The following ASMTL variants were observed in gnomAD, a reference collection of about 807,000 sequenced individuals.
The protein encoded by ASMTL is acetylserotonin O-methyltransferase like.
ASMTL carries 57 observed loss-of-function variants against 60.3 expected under a neutral mutation model. That is an observed-to-expected ratio of 0.95 (90% CI 0.76 to 1.18). The LOEUF (loss-of-function observed/expected upper bound fraction) is 1.18, where lower values mean the gene tolerates loss of function less well. ASMTL is among the 50% of genes most tolerant of loss of function. ASMTL has a pLI of 0.00. For missense variants in ASMTL, 981 were observed against 852.6 expected (o/e 1.15, Z -1.88); for synonymous variants, 419 against 373.0 (o/e 1.12, Z -1.42).
chrX:1,426,815 G>A (rs1285482661), intron 7 of ASMTL, among the ~76,000 whole-genome samples: 1 of 151,900 alleles, frequency 6.6e-6, no homozygotes, highest in Non-Finnish European at 1.5e-5. Flanking sequence ...TTTAAAACAA[G>A]GTCCCATTCA....
intron 2 of ASMTL, among the ~76,000 whole-genome samples, chrX:1,439,416 G>A (rs1159706693): frequency 6.6e-6 from 1 of 152,210 alleles, no homozygotes. Flanking sequence ...CGGGCACTAC[G>A]GGAAACGCAA....
intron 11 of ASMTL, among the ~76,000 whole-genome samples, chrX:1,416,441 A>C (rs866565491): frequency 1.5e-5 from 1 of 67,630 alleles, no homozygotes; most frequent in African/African-American, 5.2e-5. Flanking sequence ...GCACATAAAC[A>C]TAGACATGCA....
At chrX:1,453,165 G>C (rs2082844268), upstream of ASMTL, among the ~76,000 whole-genome samples, 1 of 148,010 alleles carries the variant, frequency 6.8e-6, no homozygotes, top group Admixed American at 6.7e-5. Context: ...CTCTCCGTCA[G>C]GCCACGCCCA....
chrX:1,425,654 C>T lies in ASMTL; in HGVS notation c.931G>A (p.Asp311Asn), dbSNP rs779211999. ...LLTACKLKVFDLLKDEAPQKA... is the reference protein window; with the variant it reads ...LLTACKLKVFNLLKDEAPQKA... Reference sequence around the variant, plus strand: ...TGGGGTGCTTCATCTTTTAACAAATCGAACACCTTCAGTTTGCAAGCGGTG... The same window carrying T: ...TGGGGTGCTTCATCTTTTAACAAATTGAACACCTTCAGTTTGCAAGCGGTG... Residue 311 changes from aspartate to asparagine, a missense_variant, in exon 8 of 13, where the codon GAT (aspartate) becomes AAT (asparagine). Coordinates refer to ENST00000381317, the MANE Select transcript of ASMTL (RefSeq NM_004192.4). 17 of 1,613,690 alleles carry T rather than the reference C, an allele frequency of 1.1e-5. No individual in the cohort carries two copies. Among genetic ancestry groups the T allele is most frequent in the South Asian group, 7.7e-5 (7 of 91,062 alleles).
chrX:1,438,141 C>A (rs6645248), intron 3 of ASMTL, among the ~76,000 whole-genome samples: 1 of 151,226 alleles, frequency 6.6e-6, no homozygotes, highest in African/African-American at 2.4e-5. Flanking sequence ...ATACAAAAAT[C>A]AGCCGGGCGT....
rs776515276 is a variant in ASMTL, at chrX:1,414,479, G to A, written c.1523-1625C>T. Among the ~76,000 whole-genome samples, 8 of 152,270 alleles carry A rather than the reference G, an allele frequency of 5.3e-5. 1 individual carries two copies. In the South Asian group the frequency reaches 6.2e-4, roughly 12 times the overall value. On this transcript the variant is annotated intron_variant, in intron 11 of 12. Coordinates refer to ENST00000381317, the MANE Select transcript of ASMTL (RefSeq NM_004192.4). ...TCCCAGCACTTTGGGAGGCCAAGAC[G>A]GGTGGATGACCTGAGGTGAGGAGTT...
chrX:1,426,323 G>A (rs1197592379), intron 7 of ASMTL, among the ~76,000 whole-genome samples: 9 of 152,140 alleles, frequency 5.9e-5, no homozygotes, highest in African/African-American at 2.2e-4. Context: ...AGGCACAGAC[G>A]GAATGTGCTG....
chrX:1,421,727 C>T lies in ASMTL; in HGVS notation c.1176G>A (p.Glu392=). Residue 392 remains glutamate, a synonymous_variant, in exon 9 of 13, where the codon GAG becomes GAA. Transcript: ENST00000381317. The stretch of plus-strand genomic sequence containing the variant: ...GGTTTGTTCCCTCTCGGATGGCAAA[C>T]TCCAGGTATGTAAAGAGGTTCCATG... ...DLTWNLFTYL[E]FAIREGTNQH... The T allele has an allele frequency of 6.2e-7, 1 of 1,613,940 alleles. No homozygotes were observed. The highest frequency in any genetic ancestry group is 1.1e-5 in the South Asian group (1 of 91,068).
chrX:1,427,535 C>A (rs1250768481), intron 7 of ASMTL, among the ~76,000 whole-genome samples, 199 bp downstream of exon 7: 1 of 151,948 alleles, frequency 6.6e-6, no homozygotes. Flanking sequence ...GGCCACAAGC[C>A]CAGGGATGCC....
intron 12 of ASMTL, among the ~76,000 whole-genome samples, chrX:1,411,209 C>A (rs1260384981): frequency 5.1e-5 from 6 of 118,634 alleles, no homozygotes; most frequent in African/African-American, 1.6e-4. Context: ...GAGAGATACA[C>A]AGAGAAAGAG....
intron 11 of ASMTL, among the ~76,000 whole-genome samples, chrX:1,414,334 G>T (rs1168867566): frequency 6.6e-6 from 1 of 152,200 alleles, no homozygotes; most frequent in Admixed American, 6.5e-5. Context: ...GGGGAAAGAA[G>T]GGGCGGGAGA....
At chrX:1,431,512 T>TA (rs2090787873) in intron 6 of ASMTL, among the ~76,000 whole-genome samples, 1 of 140,176 alleles carries the variant, frequency 7.1e-6, no homozygotes, top group Admixed American at 7.5e-5. Flanking sequence ...AATTAATCAT[T>TA]AAAAATCATT....
intron 11 of ASMTL, 95 bp downstream of exon 11, chrX:1,417,878 C>G (rs2090353901): frequency 6.7e-7 from 1 of 1,481,498 alleles, no homozygotes; most frequent in Non-Finnish European, 9.1e-7. Context: ...AACGCCCAGG[C>G]AGAAACACAG....
At position 1,450,023 on chromosome X, in the gene ASMTL, A is replaced by T. The variant is rs1277897925; in HGVS notation, c.93+2725T>A. 3.4e-5 allele frequency among the ~76,000 whole-genome samples: 5 copies of T among 147,198 alleles called. No homozygotes were observed. In the East Asian group the frequency reaches 8.2e-4, roughly 24 times the overall value. On this transcript the variant is annotated intron_variant, in intron 1 of 12. Coordinates refer to ENST00000381317, the MANE Select transcript of ASMTL (RefSeq NM_004192.4). Reference sequence around the variant, plus strand: ...CCATCACCAGTAACTATCTCCCATCACCAGTAACTATCCCCCATCACCAGT... The same window carrying T: ...CCATCACCAGTAACTATCTCCCATCTCCAGTAACTATCCCCCATCACCAGT...
At chrX:1,426,528 C>T (rs1417606823) in intron 7 of ASMTL, among the ~76,000 whole-genome samples, 1 of 152,162 alleles carries the variant, frequency 6.6e-6, no homozygotes. Flanking sequence ...AGGCTGCCAC[C>T]GTGAGGGGCC....
Position 1,435,686 on chromosome X carries a change from G to A in ASMTL, c.338+8C>T, listed in dbSNP as rs748043294. ...CCGAGAGGGCTCAGAGGCCAACATG[G>A]TGCTTACCGGGACAGCATCCTGTAG... On this transcript the variant is annotated splice_region_variant and intron_variant, in intron 4 of 12. Coordinates refer to ENST00000381317, the MANE Select transcript of ASMTL (RefSeq NM_004192.4). 7 of 1,613,374 alleles carry A rather than the reference G, an allele frequency of 4.3e-6. No individual in the cohort carries two copies. In the Admixed American group the frequency reaches 8.3e-5, roughly 19 times the overall value.
At chrX:1,449,564 G>C (rs1312704562) in intron 1 of ASMTL, among the ~76,000 whole-genome samples, 2 of 151,778 alleles carry the variant, frequency 1.3e-5, no homozygotes, top group African/African-American at 4.8e-5. Flanking sequence ...CTGCCCCACT[G>C]CACCATCCAT....
rs1172971368 is a variant in ASMTL, at chrX:1,452,689, C to T, written c.93+59G>A. The T allele has an allele frequency of 2.8e-6, 4 of 1,424,050 alleles. No homozygotes were observed. The Admixed American group carries it at 8.0e-5, about 28-fold the overall frequency. The allele number at this position is 1,424,050 out of a possible 1,614,324, so 88.2% of individuals were successfully genotyped here. A position where few individuals can be genotyped will look rare whatever the true frequency, so the allele number is the denominator to read the frequency against. ...CCCTAGAGTTCCTGAGTCGCTGGGC[C>T]CTCCGGGGTTCAGCCCCTCCGTCCC... On this transcript the variant is annotated intron_variant, in intron 1 of 12. Transcript: ENST00000381317.
chrX:1,415,595 A>G (rs1208428606), intron 11 of ASMTL, among the ~76,000 whole-genome samples: 1 of 151,682 alleles, frequency 6.6e-6, no homozygotes, highest in Non-Finnish European at 1.5e-5. Context: ...CCTCCTGAGT[A>G]GCTGGGATTA....
Sources: allele counts gnomAD v4.1 joint callset (sites outside exome capture counted in the v4.1 genomes callset), GRCh38; gene constraint gnomAD v4.1.1; transcripts MANE v1.5; gene names NCBI Gene and HGNC (gene_info 2026-07-23, HGNC 2026-07-21).